Variants in KIFAP3 observed in about 807,000 individuals in gnomAD.
KIFAP3 encodes kinesin-associated protein 3.
KIFAP3 carries 68 observed loss-of-function variants against 106.5 expected under a neutral mutation model. The observed-to-expected ratio is 0.64, with a 90% CI of 0.53 to 0.78. KIFAP3 has a LOEUF of 0.78. Among genes scored for constraint, KIFAP3 ranks in the 30% least tolerant of loss-of-function variants. The pLI is 0.00. For synonymous variants in KIFAP3, 320 were observed against 311.5 expected (o/e 1.03, Z -0.29); for missense variants, 780 against 941.8 (o/e 0.83, Z 2.25).
intron 1 of KIFAP3, among the ~76,000 whole-genome samples, chr1:170,063,438 CCCAAGT>C (rs2102152442): frequency 6.6e-6 from 1 of 152,246 alleles, no homozygotes; most frequent in African/African-American, 2.4e-5. Context: ...TAATATCATC[CCCAAGT>C]CAATCAATCA....
chr1:170,082,572 A>G (rs1309908309), intron 1 of KIFAP3, among the ~76,000 whole-genome samples: 2 of 152,242 alleles, frequency 1.3e-5, no homozygotes, highest in African/African-American at 2.4e-5. Flanking sequence ...AAAATAAATT[A>G]TACTTTCTCT....
At chr1:170,030,102 C>T (rs980178597) in intron 8 of KIFAP3, among the ~76,000 whole-genome samples, 6 of 151,610 alleles carry the variant, frequency 4.0e-5, no homozygotes, top group African/African-American at 1.5e-4. Context: ...AAACCATGAT[C>T]CAAAAAACAC....
intron 15 of KIFAP3, among the ~76,000 whole-genome samples, chr1:169,979,244 C>T (rs1666382110): frequency 6.6e-6 from 1 of 152,128 alleles, no homozygotes; most frequent in Non-Finnish European, 1.5e-5. Context: ...CATTCTCACT[C>T]TATCAACTAC....
chr1:170,060,742 A>G (rs562473963), intron 1 of KIFAP3, among the ~76,000 whole-genome samples: 6 of 152,252 alleles, frequency 3.9e-5, no homozygotes, highest in African/African-American at 1.2e-4. Context: ...GAGGCATCAC[A>G]CTACCTGATT....
At chr1:169,995,346 A>G (rs987230949) in intron 10 of KIFAP3, among the ~76,000 whole-genome samples, 1 of 152,042 alleles carries the variant, frequency 6.6e-6, no homozygotes, top group African/African-American at 2.4e-5. Flanking sequence ...GGAAATTGAG[A>G]TATTTGAAAA....
At chr1:169,972,743 C>A in intron 16 of KIFAP3, 145 bp from the exon 17 acceptor site, 2 of 492,650 alleles carry the variant, frequency 4.1e-6, no homozygotes, top group East Asian at 3.4e-5. Context: ...TACAAGATGA[C>A]CAAAAACACT....
intron 3 of KIFAP3, chr1:170,041,603 T>C (rs777212787): frequency 5.7e-5 from 70 of 1,220,508 alleles, no homozygotes; most frequent in Non-Finnish European, 7.4e-5. Flanking sequence ...CGGAGATGAG[T>C]CCAAGTGGCT....
chr1:170,016,657 TTC>T, intron 9 of KIFAP3, 33 bp from the exon 10 acceptor site: 3 of 1,328,504 alleles, frequency 2.3e-6, no homozygotes, highest in Non-Finnish European at 2.1e-6. Context: ...TACAGTGAAG[TTC>T]TGTTGCAAAA....
intron 10 of KIFAP3, among the ~76,000 whole-genome samples, chr1:170,013,958 T>C (rs1488005957): frequency 6.6e-6 from 1 of 152,208 alleles, no homozygotes; most frequent in African/African-American, 2.4e-5. Context: ...CTAATAGTCA[T>C]AGATTTTATG....
chr1:170,070,014 TAC>T (rs1571771355), intron 1 of KIFAP3, among the ~76,000 whole-genome samples: 1 of 152,220 alleles, frequency 6.6e-6, no homozygotes, highest in Admixed American at 6.5e-5. Context: ...ACTGTTTTTC[TAC>T]ATATTGGAGC....
chr1:170,015,547 A>G (rs1299719082), intron 10 of KIFAP3, among the ~76,000 whole-genome samples: 1 of 152,210 alleles, frequency 6.6e-6, no homozygotes, highest in African/African-American at 2.4e-5. Flanking sequence ...AAACTGCAGT[A>G]CTGAAACAAA....
chr1:170,067,409 AAG>A (rs1671499414), intron 1 of KIFAP3: 1 of 152,266 alleles, frequency 6.6e-6, no homozygotes, highest in Non-Finnish European at 1.5e-5. Flanking sequence ...AGAACTCTGG[AAG>A]ACAGTCAAAG....
At chr1:169,927,688 C>T (rs1663218959) in intron 19 of KIFAP3, among the ~76,000 whole-genome samples, 1 of 152,150 alleles carries the variant, frequency 6.6e-6, no homozygotes, top group Non-Finnish European at 1.5e-5. Context: ...AGTAAGATCT[C>T]ACAGGCAAAG....
At chr1:169,967,543 G>C (rs1665691213) in intron 17 of KIFAP3, among the ~76,000 whole-genome samples, 1 of 151,782 alleles carries the variant, frequency 6.6e-6, no homozygotes, top group Admixed American at 6.6e-5. Context: ...GGAGACCTGG[G>C]CTCTGGTTCT....
At chr1:170,068,936 GGTTA>G (rs1426481344) in intron 1 of KIFAP3, 5 of 151,760 alleles carry the variant, frequency 3.3e-5, no homozygotes, top group Non-Finnish European at 7.4e-5. Flanking sequence ...TGAAACCAAA[GGTTA>G]GTTCTTTGAA....
intron 10 of KIFAP3, among the ~76,000 whole-genome samples, chr1:170,004,423 C>T (rs10919277): frequency 6.6e-6 from 1 of 151,770 alleles, no homozygotes; most frequent in Non-Finnish European, 1.5e-5. Context: ...AAAAGAACAA[C>T]GCTGGAGGCA....
chr1:170,010,031 A>G (rs530723068), intron 10 of KIFAP3, among the ~76,000 whole-genome samples: 1 of 152,274 alleles, frequency 6.6e-6, no homozygotes, highest in Admixed American at 6.5e-5. Context: ...AGATGGTAGC[A>G]TTAAGTTACC....
At chr1:170,014,207 G>C (rs1214583953) in intron 10 of KIFAP3, among the ~76,000 whole-genome samples, 2 of 152,134 alleles carry the variant, frequency 1.3e-5, no homozygotes, top group African/African-American at 4.8e-5. Context: ...GCAGATTTCT[G>C]ATTATAACCT....
intron 10 of KIFAP3, among the ~76,000 whole-genome samples, chr1:170,005,751 A>C (rs2101973382): frequency 6.7e-6 from 1 of 149,888 alleles, no homozygotes; most frequent in South Asian, 2.2e-4. Context: ...AGATATACCT[A>C]ATGCTAAATG....
Sources: allele counts gnomAD v4.1 joint callset (sites outside exome capture counted in the v4.1 genomes callset), GRCh38; gene constraint gnomAD v4.1.1; transcripts MANE v1.5; gene names NCBI Gene and HGNC (gene_info 2026-07-23, HGNC 2026-07-21).